Variants in ABCD3 observed in about 807,000 individuals in gnomAD.
ABCD3 encodes ATP-binding cassette sub-family D member 3.
Under a neutral mutation model 105.5 loss-of-function variants are expected in ABCD3, and 41 were observed. The ratio of observed to expected loss-of-function variants is 0.39; its 90% CI spans 0.30 to 0.50. ABCD3 has a LOEUF of 0.50. Ranked by LOEUF, ABCD3 falls within the 20% of genes least tolerant of loss-of-function variation. The pLI, the probability that ABCD3 is intolerant of heterozygous loss-of-function variation, is 0.84. For missense variants in ABCD3, 622 were observed against 806.3 expected (o/e 0.77, Z 2.77); for synonymous variants, 258 against 269.0 (o/e 0.96, Z 0.40).
chr1:94,411,941 T>C, the ABCD3 span, among the ~76,000 whole-genome samples: 2 of 152,254 alleles, frequency 1.3e-5, no homozygotes, highest in East Asian at 3.9e-4. Context: ...ATGTCCAGAA[T>C]AGGTAAATTC....
At chr1:94,393,611 C>T in the ABCD3 span, among the ~76,000 whole-genome samples, 1 of 151,694 alleles carries the variant, frequency 6.6e-6, no homozygotes, top group East Asian at 1.9e-4. Flanking sequence ...TGCACTCCAC[C>T]CTGGGCAACA....
chr1:94,504,500 T>C (rs1384535132), intron 20 of ABCD3, among the ~76,000 whole-genome samples: 1 of 152,174 alleles, frequency 6.6e-6, no homozygotes, highest in Non-Finnish European at 1.5e-5. Flanking sequence ...CTGAAAGCTC[T>C]AAGGAACAGA....
At chr1:94,444,807 A>AT (rs984110512) in intron 1 of ABCD3, among the ~76,000 whole-genome samples, 12 of 151,830 alleles carry the variant, frequency 7.9e-5, no homozygotes, top group African/African-American at 2.7e-4. Flanking sequence ...CCATTATTTC[A>AT]TTTTTTGTTG....
At chr1:94,432,426 T>C (rs541421329) in intron 1 of ABCD3, among the ~76,000 whole-genome samples, 92 of 152,322 alleles carry the variant, frequency 6.0e-4, no homozygotes, top group Non-Finnish European at 9.6e-4. Context: ...AATGGAGTTA[T>C]ATTTGAGAAG....
intron 10 of ABCD3, among the ~76,000 whole-genome samples, chr1:94,485,422 A>C (rs764607120): frequency 4.6e-5 from 7 of 152,186 alleles, no homozygotes; most frequent in Non-Finnish European, 8.8e-5. Context: ...GTCATTTTAA[A>C]TTATTTCAGA....
chr1:94,510,734 C>T (rs1234420412), intron 21 of ABCD3, among the ~76,000 whole-genome samples: 2 of 152,092 alleles, frequency 1.3e-5, no homozygotes, highest in Non-Finnish European at 2.9e-5. Flanking sequence ...GATCCCTTTA[C>T]CATTATGTAA....
At chr1:94,438,799 G>A (rs1660028617) in intron 1 of ABCD3, among the ~76,000 whole-genome samples, 1 of 152,052 alleles carries the variant, frequency 6.6e-6, no homozygotes. Flanking sequence ...TAGACGTAAT[G>A]TCATTGGATA....
At chr1:94,446,335 A>G (rs1310621713) in intron 1 of ABCD3, among the ~76,000 whole-genome samples, 2 of 152,196 alleles carry the variant, frequency 1.3e-5, no homozygotes, top group Non-Finnish European at 2.9e-5. Flanking sequence ...GAACCCCTGC[A>G]AAAGGTCCCA....
the ABCD3 span, among the ~76,000 whole-genome samples, chr1:94,392,026 T>C: frequency 6.6e-6 from 1 of 152,016 alleles, no homozygotes; most frequent in African/African-American, 2.4e-5. Context: ...GCATGGAAAG[T>C]TGGGGTTTTT....
Position 94,486,744 on chromosome 1 carries a change from T to C in ABCD3, c.898-798T>C, listed in dbSNP as rs1649296325. On this transcript the variant is annotated intron_variant, in intron 10 of 22. Coordinates refer to ENST00000370214, the MANE Select transcript of ABCD3 (RefSeq NM_002858.4). Reference sequence around the variant, plus strand: ...ATTTAGTCAGAAATCCACATGAAAGTGAAGGAGTCACAAAATATAGATACC... The same window carrying C: ...ATTTAGTCAGAAATCCACATGAAAGCGAAGGAGTCACAAAATATAGATACC... Among the ~76,000 whole-genome samples the C allele has an allele frequency of 2.0e-5, 3 of 152,172 alleles. 1 individual carries two copies. Among genetic ancestry groups the C allele is most frequent in the African/African-American group, 4.8e-5 (2 of 41,452 alleles).
Position 94,489,905 on chromosome 1 carries a change from A to G in ABCD3, c.1252A>G (p.Ile418Val), listed in dbSNP as rs746212775. ...TTAATACCTATTTTCCATTTAAGGT[A>G]TTGAAGGAGTACAAGTCATTCCCTT... ...RTMVSQQEKG[I>V]EGVQVIPLIP... The change falls in exon 15 of 23, where the codon ATT becomes GTT. Residue 418 changes from isoleucine (I) to valine (V), a missense_variant and splice_region_variant. By Grantham distance (29) the Ile-to-Val change is conservative (BLOSUM62 3). Around this residue, in one of 4 missense-constraint regions of ABCD3, gnomAD observed 285 missense variants for 352.5 expected, o/e 0.81. Transcript: ENST00000370214. 3.1e-6 allele frequency: 5 copies of G among 1,612,998 alleles called. No homozygotes were observed. The Admixed American group carries it at 8.3e-5, about 27-fold the overall frequency.
chr1:94,449,006 C>T (rs1031507496), intron 1 of ABCD3, among the ~76,000 whole-genome samples: 8 of 152,174 alleles, frequency 5.3e-5, no homozygotes, highest in African/African-American at 1.9e-4. Flanking sequence ...CTACAGAAAC[C>T]AGCTGCAAAG....
chr1:94,432,007 A>G (rs1357481522), intron 1 of ABCD3, among the ~76,000 whole-genome samples: 1 of 152,160 alleles, frequency 6.6e-6, no homozygotes, highest in Non-Finnish European at 1.5e-5. Context: ...TATAATTTCT[A>G]ATTTAACTGT....
chr1:94,455,910 C>G (rs913415924), intron 1 of ABCD3: 3 of 1,078,630 alleles, frequency 2.8e-6, no homozygotes, highest in African/African-American at 1.7e-5. Flanking sequence ...TAGTGGTAAG[C>G]AGTGTGGCAT....
Position 94,478,243 on chromosome 1 carries a change from A to G in ABCD3, c.628-16A>G, listed in dbSNP as rs1345864845. ...CTTTAGTTTTAATTCTGTGTATTCT[A>G]ATATTTATTTTACAGCCATTTTTAG... On this transcript the variant is annotated splice_polypyrimidine_tract_variant and intron_variant, in intron 7 of 22. Transcript: ENST00000370214. 6.8e-7 allele frequency: 1 copy of G among 1,475,532 alleles called. No individual in the cohort carries two copies. Among genetic ancestry groups the G allele is most frequent in the Admixed American group, 1.7e-5 (1 of 59,614 alleles). 91.4% of individuals were successfully genotyped at this position (1,475,532 alleles called of 1,614,324 possible).
At chr1:94,504,473 A>G (rs1288375221) in intron 20 of ABCD3, among the ~76,000 whole-genome samples, 2 of 152,170 alleles carry the variant, frequency 1.3e-5, no homozygotes, top group African/African-American at 4.8e-5. Context: ...GCCTGAGATG[A>G]CATTATAAGC....
At chr1:94,516,145 G>A (rs988752122) in intron 22 of ABCD3, among the ~76,000 whole-genome samples, 3 of 151,928 alleles carry the variant, frequency 2.0e-5, no homozygotes, top group African/African-American at 7.2e-5. Flanking sequence ...AAGAGCATAG[G>A]ATTTGAAGTC....
At chr1:94,473,881 T>C (rs1255267996) in intron 5 of ABCD3, 46 bp downstream of exon 5, 1 of 1,467,950 alleles carries the variant, frequency 6.8e-7, no homozygotes, top group Non-Finnish European at 9.5e-7. Flanking sequence ...GAAATTTGCA[T>C]CTTATTAAAA....
upstream of ABCD3, among the ~76,000 whole-genome samples, chr1:94,415,528 G>A (rs1658984043): frequency 6.6e-6 from 1 of 152,212 alleles, no homozygotes; most frequent in African/African-American, 2.4e-5. Flanking sequence ...TAGACTGTTA[G>A]AAAGTTTGTT....
Sources: allele counts gnomAD v4.1 joint callset (sites outside exome capture counted in the v4.1 genomes callset), GRCh38; gene constraint gnomAD v4.1.1; regional missense constraint gnomAD v4.1.1; transcripts MANE v1.5; gene names NCBI Gene and HGNC (gene_info 2026-07-23, HGNC 2026-07-21).